TEX11: variants seen among roughly 807,000 people sequenced by gnomAD.
The protein encoded by TEX11 is testis expressed 11.
Under a neutral mutation model 84.4 loss-of-function variants are expected in TEX11, and 7 were observed. The ratio of observed to expected loss-of-function variants is 0.08; its 90% CI spans 0.05 to 0.16. TEX11 has a LOEUF of 0.16. Ranked by LOEUF, TEX11 falls within the 10% of genes least tolerant of loss-of-function variation. The probability of loss-of-function intolerance (pLI) is 1.00; values close to 1 mark genes in which losing one functional copy is unlikely to be tolerated. For missense variants in TEX11, 551 were observed against 660.5 expected (o/e 0.83, Z 1.82); for synonymous variants, 264 against 222.8 (o/e 1.18, Z -1.64).
At chrX:70,900,395 A>AAAAAAAAAG (rs1556245995) in intron 2 of TEX11, among the ~76,000 whole-genome samples, 2 of 60,083 alleles carry the variant, frequency 3.3e-5, no homozygotes, top group African/African-American at 5.6e-5. Context: ...AAAAAAAAAA[A>AAAAAAAAAG]AAGAAGAAGA....
intron 25 of TEX11, among the ~76,000 whole-genome samples, chrX:70,572,967 G>A (rs1371579138): frequency 3.6e-5 from 4 of 110,450 alleles, no homozygotes; most frequent in South Asian, 7.8e-4. Flanking sequence ...TAACCTGCAC[G>A]TTGTGCATCT....
intron 24 of TEX11, among the ~76,000 whole-genome samples, chrX:70,602,504 C>T (rs2089134852): frequency 9.5e-6 from 1 of 105,437 alleles, no homozygotes; most frequent in Non-Finnish European, 1.9e-5. Flanking sequence ...TTCAACAACC[C>T]TTCATGCTAA....
At chrX:70,807,996 C>G (rs2091228916) in intron 8 of TEX11, among the ~76,000 whole-genome samples, 1 of 104,550 alleles carries the variant, frequency 9.6e-6, no homozygotes, top group Non-Finnish European at 1.9e-5. Flanking sequence ...CCGGGCTACT[C>G]AGGAGGCTGA....
intron 25 of TEX11, among the ~76,000 whole-genome samples, chrX:70,568,217 A>G (rs1435975298): frequency 9.0e-6 from 1 of 111,485 alleles, no homozygotes; most frequent in Non-Finnish European, 1.9e-5. Context: ...ATCAGAGAAT[A>G]GGATCGCAAC....
chrX:70,699,247 C>A (rs1451206374), intron 13 of TEX11, among the ~76,000 whole-genome samples: 3 of 111,456 alleles, frequency 2.7e-5, no homozygotes, highest in African/African-American at 9.8e-5. Context: ...CCTTTAGAAT[C>A]TAAAATTTAG....
chrX:70,708,797 G>A (rs769398055), intron 13 of TEX11, among the ~76,000 whole-genome samples: 1 of 110,408 alleles, frequency 9.1e-6, no homozygotes, highest in East Asian at 2.9e-4. Context: ...ACTAGTAGAG[G>A]GGGGAGAGGT....
intron 2 of TEX11, among the ~76,000 whole-genome samples, chrX:70,888,713 T>C (rs1228274898): frequency 3.6e-5 from 4 of 111,037 alleles, no homozygotes; most frequent in Non-Finnish European, 7.5e-5. Context: ...GATATCAATA[T>C]CCAAGTACAA....
intron 9 of TEX11, among the ~76,000 whole-genome samples, chrX:70,789,127 G>A (rs1314896329): frequency 5.8e-5 from 6 of 103,074 alleles, no homozygotes; most frequent in Admixed American, 1.1e-4. Flanking sequence ...TTGAGCACAG[G>A]AGTACGAGAC....
intron 9 of TEX11, among the ~76,000 whole-genome samples, chrX:70,767,757 TGTG>T (rs1191363819): frequency 8.9e-6 from 1 of 111,821 alleles, no homozygotes; most frequent in Non-Finnish European, 1.9e-5. Flanking sequence ...GATAAAGAAA[TGTG>T]GTACATTTAT....
At chrX:70,770,681 T>G (rs1198738536) in intron 9 of TEX11, among the ~76,000 whole-genome samples, 1 of 111,548 alleles carries the variant, frequency 9.0e-6, no homozygotes, top group Non-Finnish European at 1.9e-5. Context: ...TATCACATGT[T>G]CCCTGAAAAG....
chrX:70,786,118 A>C (rs1294873778), intron 9 of TEX11, among the ~76,000 whole-genome samples: 1 of 112,215 alleles, frequency 8.9e-6, no homozygotes, highest in Non-Finnish European at 1.9e-5. Context: ...GCACATATAC[A>C]GCATGGAATA....
At chrX:70,847,959 G>C (rs936006464) in intron 7 of TEX11, among the ~76,000 whole-genome samples, 1 of 111,917 alleles carries the variant, frequency 8.9e-6, no homozygotes, top group Non-Finnish European at 1.9e-5. Flanking sequence ...AATGGTTCAA[G>C]TCCTTCTCAC....
rs750317360 is a variant in TEX11 at position 70,680,653 on chromosome X, C to CT, written c.1157-1765dup. ...GCTAACTATACTCAGAACCTATAATCTTTAAGTAATGGCTACACACAAAAA... is the reference window on the plus strand; with the variant it reads ...GCTAACTATACTCAGAACCTATAATCTTTTAAGTAATGGCTACACACAAAAA... On this transcript the variant is annotated intron_variant, in intron 14 of 29. Coordinates refer to ENST00000374333, the MANE Select transcript of TEX11 (RefSeq NM_031276.3). 2.7e-5 allele frequency among the ~76,000 whole-genome samples: 3 copies of CT among 110,301 alleles called. No individual in the cohort carries two copies. The East Asian group carries it at 8.5e-4, about 31-fold the overall frequency.
chrX:70,885,096 A>G (rs991185517), intron 2 of TEX11, among the ~76,000 whole-genome samples: 4 of 111,064 alleles, frequency 3.6e-5, no homozygotes, highest in African/African-American at 1.3e-4. Flanking sequence ...ACAAGCAGAC[A>G]AAAACTATAG....
At chrX:70,839,499 T>A (rs1045814132) in intron 7 of TEX11, among the ~76,000 whole-genome samples, 2 of 110,754 alleles carry the variant, frequency 1.8e-5, no homozygotes, top group African/African-American at 6.6e-5. Context: ...TAGGTCACCA[T>A]CATCAAAGAA....
At chrX:70,890,779 C>G (rs1396994062) in intron 2 of TEX11, among the ~76,000 whole-genome samples, 1 of 112,502 alleles carries the variant, frequency 8.9e-6, no homozygotes, top group Non-Finnish European at 1.9e-5. Flanking sequence ...GGGGGCAGGG[C>G]AGAGCTGAAC....
At chrX:70,750,249 C>A (rs1237688268) in intron 9 of TEX11, among the ~76,000 whole-genome samples, 1 of 111,033 alleles carries the variant, frequency 9.0e-6, no homozygotes, top group African/African-American at 3.3e-5. Context: ...GTTAGAATGG[C>A]AATCATTAAA....
At chrX:70,689,879 T>G (rs756078023) in intron 13 of TEX11, among the ~76,000 whole-genome samples, 1 of 111,779 alleles carries the variant, frequency 8.9e-6, no homozygotes. Flanking sequence ...TGATGAATAC[T>G]CAGCCAACTA....
In TEX11 at chrX:70,605,396, A is replaced by G; in HGVS notation, c.2067+5T>C. 8.6e-7 allele frequency: 1 copy of G among 1,157,080 alleles called. No homozygotes were observed. Among genetic ancestry groups the G allele is most frequent in the Non-Finnish European group, 1.2e-6 (1 of 847,405 alleles). On this transcript the variant is annotated splice_donor_5th_base_variant and intron_variant, in intron 24 of 29. Coordinates refer to ENST00000374333, the MANE Select transcript of TEX11 (RefSeq NM_031276.3). Reference sequence around the variant, plus strand: ...CTTGTCTTTTCTTTGAAGGTTGCACATTACCTGTTCAAAAGCTGTTGAAGC... The same window carrying G: ...CTTGTCTTTTCTTTGAAGGTTGCACGTTACCTGTTCAAAAGCTGTTGAAGC...
Sources: gnomAD v4.1 joint callset for allele counts (sites outside exome capture counted in the v4.1 genomes callset) on GRCh38, gnomAD v4.1.1 for gene constraint, MANE v1.5 for transcripts, NCBI Gene and HGNC (gene_info 2026-07-23, HGNC 2026-07-21) for gene names.